Variants in HS6ST3 observed in about 807,000 individuals in gnomAD.
HS6ST3 encodes the protein heparan-sulfate 6-O-sulfotransferase 3.
Under a neutral mutation model 36.7 loss-of-function variants are expected in HS6ST3, and 12 were observed. The observed-to-expected ratio is 0.33, with a 90% CI of 0.21 to 0.53. HS6ST3 has a LOEUF of 0.53. Ranked by LOEUF, HS6ST3 falls within the 20% of genes least tolerant of loss-of-function variation. HS6ST3 has a pLI of 0.95. For synonymous variants in HS6ST3, 240 were observed against 257.5 expected, an observed-to-expected ratio of 0.93 and a Z score of 0.65; for missense variants, 584 against 640.9, an observed-to-expected ratio of 0.91 and a Z score of 0.96.
At chr13:96,292,210 A>ATG (rs4001473) in intron 1 of HS6ST3, among the ~76,000 whole-genome samples, 7,020 of 149,940 alleles carry the variant, frequency 0.047, 182 homozygotes, top group Middle Eastern at 0.086. Context: ...TTTAGAGTAA[A>ATG]TGTGTGTGTG....
At chr13:96,432,050 G>C (rs1190666222) in intron 1 of HS6ST3, among the ~76,000 whole-genome samples, 1 of 152,152 alleles carries the variant, frequency 6.6e-6, no homozygotes, top group African/African-American at 2.4e-5. Flanking sequence ...AACCAGAAGT[G>C]GGTGTTATTC....
intron 1 of HS6ST3, among the ~76,000 whole-genome samples, chr13:96,724,439 G>A (rs1344591062): frequency 6.6e-6 from 1 of 152,096 alleles, no homozygotes; most frequent in Non-Finnish European, 1.5e-5. Context: ...GCATCATGAA[G>A]TCATCATTAC....
chr13:96,385,846 C>G (rs897371239), intron 1 of HS6ST3, among the ~76,000 whole-genome samples: 6 of 152,116 alleles, frequency 3.9e-5, no homozygotes, highest in Non-Finnish European at 7.3e-5. Context: ...GTATACATTA[C>G]TATATCCATT....
intron 1 of HS6ST3, among the ~76,000 whole-genome samples, chr13:96,240,640 G>A (rs1299319234): frequency 6.6e-6 from 1 of 152,196 alleles, no homozygotes; most frequent in Admixed American, 6.5e-5. Flanking sequence ...AGAGATTGGA[G>A]TGTAGAGAAA....
intron 1 of HS6ST3, among the ~76,000 whole-genome samples, chr13:96,412,904 T>G (rs1057052077): frequency 1.4e-5 from 2 of 146,714 alleles, no homozygotes; most frequent in Non-Finnish European, 3.1e-5. Context: ...TAATCAATAT[T>G]TATTGAATGA....
chr13:96,320,151 G>A (rs1053712379), intron 1 of HS6ST3, among the ~76,000 whole-genome samples: 3 of 152,106 alleles, frequency 2.0e-5, no homozygotes, highest in Non-Finnish European at 4.4e-5. Context: ...GCTTCATCTG[G>A]AATTCTCCTC....
At chr13:96,771,189 C>T (rs1340089767) in intron 1 of HS6ST3, among the ~76,000 whole-genome samples, 2 of 146,318 alleles carry the variant, frequency 1.4e-5, no homozygotes, top group African/African-American at 2.5e-5. Flanking sequence ...ACCAACACCG[C>T]ATGTTCTCAC....
At chr13:96,388,888 A>T (rs1349102098) in intron 1 of HS6ST3, among the ~76,000 whole-genome samples, 1 of 152,178 alleles carries the variant, frequency 6.6e-6, no homozygotes, top group African/African-American at 2.4e-5. Flanking sequence ...AGGCCTCCCC[A>T]GTCCTGCAGA....
At chr13:96,539,794 A>G (rs1362401739) in intron 1 of HS6ST3, among the ~76,000 whole-genome samples, 2 of 152,212 alleles carry the variant, frequency 1.3e-5, no homozygotes, top group Admixed American at 6.5e-5. Context: ...AACCACCCCT[A>G]GGTTCAGAAA....
chr13:96,499,914 T>C (rs891661804), intron 1 of HS6ST3, among the ~76,000 whole-genome samples: 3 of 152,198 alleles, frequency 2.0e-5, no homozygotes, highest in Non-Finnish European at 4.4e-5. Flanking sequence ...TTTTGTTTTT[T>C]GAAATTACAG....
At chr13:96,325,903 G>A (rs969094867) in intron 1 of HS6ST3, among the ~76,000 whole-genome samples, 10 of 151,988 alleles carry the variant, frequency 6.6e-5, no homozygotes, top group Admixed American at 6.6e-5. Context: ...ATTATGTATC[G>A]TAAGATATGG....
At chr13:96,176,995 A>T (rs1187856416) in intron 1 of HS6ST3, among the ~76,000 whole-genome samples, 1 of 152,252 alleles carries the variant, frequency 6.6e-6, no homozygotes, top group African/African-American at 2.4e-5. Context: ...GAAGACATAC[A>T]CGCGGCCAAC....
intron 1 of HS6ST3, among the ~76,000 whole-genome samples, chr13:96,787,262 A>G (rs748837829): frequency 5.9e-5 from 9 of 152,162 alleles, no homozygotes; most frequent in Admixed American, 2.0e-4. Flanking sequence ...TGACTGGGTC[A>G]TGTCATTCCT....
intron 1 of HS6ST3, among the ~76,000 whole-genome samples, chr13:96,421,829 C>A (rs775122982): frequency 3.3e-5 from 5 of 152,150 alleles, no homozygotes; most frequent in Non-Finnish European, 7.3e-5. Context: ...TCTTTGAGGT[C>A]AAGAACACTG....
At chr13:96,124,592 T>C (rs1451730193) in intron 1 of HS6ST3, among the ~76,000 whole-genome samples, 1 of 152,170 alleles carries the variant, frequency 6.6e-6, no homozygotes, top group Non-Finnish European at 1.5e-5. Context: ...GATGATTCTT[T>C]GGTATGGTGT....
intron 1 of HS6ST3, among the ~76,000 whole-genome samples, chr13:96,140,996 A>G (rs1017060070): frequency 1.3e-5 from 2 of 152,216 alleles, no homozygotes; most frequent in Non-Finnish European, 2.9e-5. Flanking sequence ...GATTTTCCGA[A>G]GAAAATCATC....
At chr13:96,100,360 A>G (rs1295074806) in intron 1 of HS6ST3, among the ~76,000 whole-genome samples, 2 of 152,194 alleles carry the variant, frequency 1.3e-5, no homozygotes, top group African/African-American at 4.8e-5. Flanking sequence ...GGCAGCAAGC[A>G]GAGGCACACT....
intron 1 of HS6ST3, among the ~76,000 whole-genome samples, chr13:96,694,863 A>G (rs1023885411): frequency 6.6e-6 from 1 of 151,814 alleles, no homozygotes; most frequent in Admixed American, 6.6e-5. Context: ...TTTAAATTTT[A>G]TGAGGGAAAA....
chr13:96,809,755 G>C (rs1020436458), intron 1 of HS6ST3, among the ~76,000 whole-genome samples: 1 of 152,224 alleles, frequency 6.6e-6, no homozygotes, highest in African/African-American at 2.4e-5. Flanking sequence ...CTGCTTTGCA[G>C]TCAGCCAGAC....
Sources: allele counts gnomAD v4.1 joint callset (sites outside exome capture counted in the v4.1 genomes callset), GRCh38; gene constraint gnomAD v4.1.1; transcripts MANE v1.5; gene names NCBI Gene and HGNC (gene_info 2026-07-23, HGNC 2026-07-21).